TRAPPC9: variants seen among roughly 807,000 people sequenced by gnomAD.
TRAPPC9 encodes IKK2 binding protein.
Under a neutral mutation model 124.0 loss-of-function variants are expected in TRAPPC9, and 83 were observed. The observed-to-expected ratio is 0.67, with a 90% CI of 0.56 to 0.80. The LOEUF (loss-of-function observed/expected upper bound fraction) is 0.80. TRAPPC9 is among the 30% of genes least tolerant of loss of function. The pLI is 0.00. For missense variants in TRAPPC9, 1,302 were observed against 1,508.3 expected, an observed-to-expected ratio of 0.86 and a Z score of 2.27; for synonymous variants, 638 against 617.5, an observed-to-expected ratio of 1.03 and a Z score of -0.49.
intron 21 of TRAPPC9, among the ~76,000 whole-genome samples, chr8:139,780,039 T>C (rs1210206128): frequency 6.6e-6 from 1 of 152,156 alleles, no homozygotes; most frequent in Non-Finnish European, 1.5e-5. Flanking sequence ...AATGAAGAAC[T>C]ATTCTATGTT....
intron 21 of TRAPPC9, among the ~76,000 whole-genome samples, chr8:139,777,131 T>C (rs1470816624): frequency 6.6e-6 from 1 of 152,252 alleles, no homozygotes; most frequent in African/African-American, 2.4e-5. Context: ...AGGAAGTGTT[T>C]TCTCTACCGC....
At chr8:140,211,862 C>T (rs2063069937) in intron 17 of TRAPPC9, among the ~76,000 whole-genome samples, 1 of 152,128 alleles carries the variant, frequency 6.6e-6, no homozygotes, top group African/African-American at 2.4e-5. Context: ...GGCCACGAGG[C>T]GCTTACAGTG....
At chr8:140,202,148 C>A in intron 17 of TRAPPC9, among the ~76,000 whole-genome samples, 1 of 145,710 alleles carries the variant, frequency 6.9e-6, no homozygotes, top group African/African-American at 2.6e-5. Flanking sequence ...GAGATAAAAG[C>A]TCATCTTCTG....
intron 21 of TRAPPC9, among the ~76,000 whole-genome samples, chr8:139,863,998 C>T (rs1049325382): frequency 2.6e-5 from 4 of 152,272 alleles, no homozygotes; most frequent in South Asian, 2.1e-4. Context: ...GGGACAGCAC[C>T]GCCCACCAGT....
chr8:139,990,058 T>A (rs2665938), intron 18 of TRAPPC9, among the ~76,000 whole-genome samples: 97,630 of 152,078 alleles, frequency 0.64, 35,012 homozygotes, highest in East Asian at 0.89. Flanking sequence ...AGATCTGTGC[T>A]CTGGGTCATT....
chr8:139,925,827 G>GCGCACA (rs1554673867), intron 19 of TRAPPC9, among the ~76,000 whole-genome samples: 2,133 of 68,752 alleles, frequency 0.031, 60 homozygotes, highest in African/African-American at 0.082. Flanking sequence ...ACACGCACAC[G>GCGCACA]CACACACACA....
intron 18 of TRAPPC9, among the ~76,000 whole-genome samples, chr8:140,010,204 T>C (rs1839032220): frequency 6.6e-6 from 1 of 152,248 alleles, no homozygotes; most frequent in African/African-American, 2.4e-5. Flanking sequence ...CTTAGATTTT[T>C]GCAATTTAAA....
In TRAPPC9 at chr8:140,071,834, C is replaced by T. The variant is rs186868891; in HGVS notation, c.2557-47755G>A. Among the ~76,000 whole-genome samples, 3 of 152,330 alleles carry T rather than the reference C, an allele frequency of 2.0e-5. No individual in the cohort carries two copies. The East Asian group carries it at 5.8e-4, about 29-fold the overall frequency. Reference sequence around the variant, plus strand: ...AGTAGCTAAGAGATTTTGAAACACACACACTGCGTATGACAAGCAGTAGGG... The same window carrying T: ...AGTAGCTAAGAGATTTTGAAACACATACACTGCGTATGACAAGCAGTAGGG... On this transcript the variant is annotated intron_variant, in intron 17 of 22. Transcript: ENST00000438773.
At chr8:140,226,084 G>A (rs574871627) in intron 16 of TRAPPC9, among the ~76,000 whole-genome samples, 3 of 152,270 alleles carry the variant, frequency 2.0e-5, no homozygotes, top group East Asian at 3.9e-4. Flanking sequence ...TTTCTTTGGG[G>A]AGCAGCTCCT....
chr8:139,936,707 G>C lies in TRAPPC9; in HGVS notation c.2811-26407C>G, dbSNP rs75526715. Among the ~76,000 whole-genome samples the C allele has an allele frequency of 1.1e-3, 168 of 151,788 alleles. 5 individuals carry two copies. In the East Asian group the frequency reaches 0.031, roughly 28 times the overall value. ...GTGGTATAAAGCATGGGGAGAGTGG[G>C]GAGTGGGGACTGCAGTGTGGTATAA... On this transcript the variant is annotated intron_variant, in intron 19 of 22. Coordinates refer to ENST00000438773, the MANE Select transcript of TRAPPC9 (RefSeq NM_001160372.4).
rs186768933 is a variant in TRAPPC9, at chr8:140,403,680, C to T, written c.1008+1897G>A. Among the ~76,000 whole-genome samples the T allele has an allele frequency of 1.8e-3, 267 of 148,808 alleles. 5 individuals carry two copies. The highest frequency in any genetic ancestry group is 0.014 in the Admixed American group (203 of 14,958). On this transcript the variant is annotated intron_variant, in intron 6 of 22. Coordinates refer to ENST00000438773, the MANE Select transcript of TRAPPC9 (RefSeq NM_001160372.4). Reference sequence around the variant, plus strand: ...AGTATACTTTTTTTTTTTTTTGAGACGGAGTCTCACTCTGTAGCCTAAGCT... The same window carrying T: ...AGTATACTTTTTTTTTTTTTTGAGATGGAGTCTCACTCTGTAGCCTAAGCT...
chr8:139,999,768 A>G (rs549521441), intron 18 of TRAPPC9, among the ~76,000 whole-genome samples: 1 of 152,372 alleles, frequency 6.6e-6, no homozygotes, highest in South Asian at 2.1e-4. Flanking sequence ...AAGGAAAGCT[A>G]GAATAACTCC....
intron 17 of TRAPPC9, 50 bp from the exon 18 acceptor site, chr8:140,024,129 T>C (rs1839980309): frequency 1.9e-6 from 3 of 1,602,252 alleles, no homozygotes; most frequent in Non-Finnish European, 2.6e-6. Flanking sequence ...AGTAACTCTC[T>C]AGTTTGATCC....
intron 17 of TRAPPC9, among the ~76,000 whole-genome samples, chr8:140,150,798 A>G (rs183809409): frequency 6.8e-6 from 1 of 147,586 alleles, no homozygotes; most frequent in Admixed American, 6.8e-5. Flanking sequence ...GAAGACCCTC[A>G]ACGCAGCCTC....
At chr8:140,425,226 C>T (rs1160176736) in intron 5 of TRAPPC9, among the ~76,000 whole-genome samples, 8 of 152,244 alleles carry the variant, frequency 5.3e-5, no homozygotes, top group African/African-American at 1.9e-4. Flanking sequence ...GCCTGGAAGG[C>T]AGGAACCAGA....
At chr8:140,168,487 C>CTATAAACGG (rs71520257) in intron 17 of TRAPPC9, among the ~76,000 whole-genome samples, 24,793 of 152,080 alleles carry the variant, frequency 0.16, 2,481 homozygotes, top group Admixed American at 0.24. Flanking sequence ...TGAATGTTTC[C>CTATAAACGG]TATAAACGGA....
intron 16 of TRAPPC9, among the ~76,000 whole-genome samples, chr8:140,248,374 C>A (rs977220558): frequency 1.3e-5 from 2 of 152,238 alleles, no homozygotes; most frequent in Non-Finnish European, 2.9e-5. Flanking sequence ...AACTCCTCCA[C>A]ATTTCAGCTG....
intron 19 of TRAPPC9, among the ~76,000 whole-genome samples, chr8:139,971,309 C>A (rs898864278): frequency 1.3e-5 from 2 of 152,214 alleles, no homozygotes; most frequent in South Asian, 4.1e-4. Flanking sequence ...CTCACTCCCA[C>A]CCTGAACAGC....
In TRAPPC9 at chr8:139,907,526, G is replaced by T. The variant is rs190541733; in HGVS notation, c.2964+2621C>A. Among the ~76,000 whole-genome samples, 561 of 139,226 alleles carry T rather than the reference G, an allele frequency of 4.0e-3. 5 individuals are homozygous for T. Among genetic ancestry groups the T allele is most frequent in the African/African-American group, 0.014 (538 of 38,282 alleles). The allele number at this position is 139,226 out of a possible 152,430, so 91.3% of individuals were successfully genotyped here. A position where few individuals can be genotyped will look rare whatever the true frequency, so the allele number is the denominator to read the frequency against. On this transcript the variant is annotated intron_variant, in intron 20 of 22. Coordinates refer to ENST00000438773, the MANE Select transcript of TRAPPC9 (RefSeq NM_001160372.4). The surrounding 1 kb of genome is among the most constrained non-coding windows in gnomAD (Gnocchi z 4.7). ...AGAGTGGGGGGAAGGGAGAGGAGAGGGAGAAAGAGAAAGGGGGGGAGGAAG... is the reference window on the plus strand; with the variant it reads ...AGAGTGGGGGGAAGGGAGAGGAGAGTGAGAAAGAGAAAGGGGGGGAGGAAG...
Sources: allele counts gnomAD v4.1 joint callset (sites outside exome capture counted in the v4.1 genomes callset), GRCh38; gene constraint gnomAD v4.1.1; non-coding constraint Gnocchi (gnomAD v3.1); transcripts MANE v1.5; gene names NCBI Gene and HGNC (gene_info 2026-07-23, HGNC 2026-07-21).